Variants in TECTA observed in about 807,000 individuals in gnomAD.
The protein encoded by TECTA is tectorin alpha.
Under a neutral mutation model 216.8 loss-of-function variants are expected in TECTA, and 128 were observed. The observed-to-expected ratio is 0.59, with a 90% CI of 0.51 to 0.68. TECTA has a LOEUF of 0.68. Among genes scored for constraint, TECTA ranks in the 30% least tolerant of loss-of-function variants. The pLI, the probability that TECTA is intolerant of heterozygous loss-of-function variation, is 0.00. For missense variants in TECTA, 2,551 were observed against 2,786.2 expected (o/e 0.92, Z 1.90); for synonymous variants, 1,089 against 1,117.1 (o/e 0.97, Z 0.50).
intron 7 of TECTA, among the ~76,000 whole-genome samples, chr11:121,120,079 A>G (rs554570069): frequency 3.9e-5 from 6 of 152,320 alleles, no homozygotes; most frequent in Admixed American, 3.3e-4. Context: ...GATGATGTGT[A>G]TATCAGTAGT....
intron 2 of TECTA, among the ~76,000 whole-genome samples, chr11:121,103,618 G>A (rs1421914221): frequency 6.6e-6 from 1 of 151,996 alleles, no homozygotes; most frequent in Admixed American, 6.6e-5. Context: ...TATGTTTATT[G>A]TGAAATTCTC....
intron 15 of TECTA, among the ~76,000 whole-genome samples, chr11:121,161,609 A>T (rs1947001066): frequency 4.2e-5 from 1 of 23,578 alleles, no homozygotes; most frequent in Non-Finnish European, 7.8e-5. Context: ...CTGGACACCA[A>T]CTTTCTTGTA....
chr11:121,103,659 T>G (rs898994676), intron 2 of TECTA, among the ~76,000 whole-genome samples: 1 of 152,150 alleles, frequency 6.6e-6, no homozygotes, highest in Non-Finnish European at 1.5e-5. Context: ...AGGGATATTC[T>G]TTCTTTTAGC....
In TECTA at chr11:121,151,611, G is replaced by A. The variant is rs143392477; in HGVS notation, c.4106-1270G>A. On this transcript the variant is annotated intron_variant, in intron 12 of 23. Transcript: ENST00000392793. ...GAAAAATTGACTATAGTTTGCTATC[G>A]GAGGTTGCCATTTCATCACGCTTTT... is the stretch of plus-strand genomic sequence containing the variant. Among the ~76,000 whole-genome samples, 1,073 of 152,236 alleles carry A rather than the reference G, an allele frequency of 7.0e-3. 9 individuals carry two copies. Among genetic ancestry groups the A allele is most frequent in the Middle Eastern group, 0.044 (13 of 294 alleles).
At position 121,118,377 on chromosome 11, in the gene TECTA, T is replaced by G. The variant is rs1425048740; in HGVS notation, c.862T>G (p.Phe288Val). Residue 288 changes from phenylalanine to valine, a missense_variant, in exon 7 of 24, where the codon TTC becomes GTC. Physicochemically the swap from Phe to Val is conservative, Grantham distance 50 (BLOSUM62 -1). Around this residue, in one of 3 missense-constraint regions of TECTA, gnomAD observed 2,375 missense variants for 2,563.9 expected, o/e 0.93. Transcript: ENST00000392793. ...NCTVKCRCLD[F>V]NNEIYCQEAS... is the part of the protein sequence containing the mutation. Reference sequence around the variant, plus strand: ...CACCGTCAAGTGCCGCTGTCTGGATTTCAACAATGAGATCTACTGCCAGGA... The same window carrying G: ...CACCGTCAAGTGCCGCTGTCTGGATGTCAACAATGAGATCTACTGCCAGGA... 6.2e-7 allele frequency: 1 copy of G among 1,614,028 alleles called. No homozygotes were observed. The highest frequency in any genetic ancestry group is 1.3e-5 in the African/African-American group (1 of 74,920).
intron 12 of TECTA, among the ~76,000 whole-genome samples, chr11:121,152,348 G>T (rs1386403628): frequency 6.6e-6 from 1 of 152,238 alleles, no homozygotes; most frequent in Non-Finnish European, 1.5e-5. Flanking sequence ...TTAGAAAAAC[G>T]TTCTGTAGAA....
At position 121,109,391 on chromosome 11, in the gene TECTA, A is replaced by C. The variant is rs1469683162; in HGVS notation, c.379A>C (p.Lys127Gln). ...GCCTGCCATCTTGAAAAGAGCCACC[A>C]AGGACATCAGGAAGTACTTCAAAGA... ...MEPAILKRATKDIRKYFKDMA... is the reference protein window; with the variant it reads ...MEPAILKRATQDIRKYFKDMA... Residue 127 changes from lysine to glutamine, a missense_variant, in exon 4 of 24, where the codon AAG (lysine) becomes CAG (glutamine). By Grantham distance (53) the Lys-to-Gln change is moderately conservative. Coordinates refer to ENST00000392793, the MANE Select transcript of TECTA (RefSeq NM_005422.4). 1 of 1,614,154 alleles carries C rather than the reference A, an allele frequency of 6.2e-7. No individual in the cohort carries two copies. Among genetic ancestry groups the C allele is most frequent in the East Asian group, 2.2e-5 (1 of 44,890 alleles).
At chr11:121,104,016 T>C (rs1365544400) in intron 2 of TECTA, among the ~76,000 whole-genome samples, 1 of 152,170 alleles carries the variant, frequency 6.6e-6, no homozygotes, top group African/African-American at 2.4e-5. Context: ...CCATGCGGTA[T>C]TATGGGTTTT....
Position 121,111,283 on chromosome 11 carries a change from G to A in TECTA, c.486+1785G>A, listed in dbSNP as rs625934. On this transcript the variant is annotated intron_variant, in intron 4 of 23. Coordinates refer to ENST00000392793, the MANE Select transcript of TECTA (RefSeq NM_005422.4). ...CAGGCCGGGAGAGGCCAAGTATCTC[G>A]TTCAAGTGGCAAGAAAAAGAATAGG... Among the ~76,000 whole-genome samples, 144 of 152,288 alleles carry A rather than the reference G, an allele frequency of 9.5e-4. 1 individual carries two copies. Among genetic ancestry groups the A allele is most frequent in the Non-Finnish European group, 1.7e-3 (113 of 68,016 alleles).
intron 20 of TECTA, among the ~76,000 whole-genome samples, chr11:121,180,132 TATC>T (rs1947211749): frequency 6.6e-6 from 1 of 152,090 alleles, no homozygotes; most frequent in African/African-American, 2.4e-5. Context: ...CATTCTCTCT[TATC>T]ATTTATTATT....
chr11:121,146,822 G>C (rs1418581346), intron 12 of TECTA, among the ~76,000 whole-genome samples: 1 of 152,180 alleles, frequency 6.6e-6, no homozygotes, highest in East Asian at 1.9e-4. Context: ...TATATTAATG[G>C]CTTGCTCTGA....
chr11:121,162,082 G>T lies in TECTA; in HGVS notation c.4984G>T (p.Ala1662Ser), dbSNP rs542739555. 57 of 1,613,962 alleles carry T rather than the reference G, an allele frequency of 3.5e-5. No individual in the cohort carries two copies. The South Asian group carries it at 4.4e-4, about 12-fold the overall frequency. Residue 1662 changes from alanine (A) to serine (S), a missense_variant, in exon 16 of 24, where the codon GCC becomes TCC. Transcript: ENST00000392793. ...KTNGMQKRPLAPSCNELQFSQ... is the reference protein window; with the variant it reads ...KTNGMQKRPLSPSCNELQFSQ... ...TTCACTCAGTCTGACCAGACCTCTT[G>T]CCCCCAGCTGCAACGAGCTGCAGTT...
At chr11:121,144,522 A>T (rs1261850856) in intron 11 of TECTA, among the ~76,000 whole-genome samples, 1 of 152,198 alleles carries the variant, frequency 6.6e-6, no homozygotes, top group African/African-American at 2.4e-5. Flanking sequence ...CCCACAAGGC[A>T]AACCACCTCA....
At chr11:121,114,461 A>G (rs1167464252) in intron 6 of TECTA, among the ~76,000 whole-genome samples, 1 of 152,200 alleles carries the variant, frequency 6.6e-6, no homozygotes, top group Non-Finnish European at 1.5e-5. Flanking sequence ...GTCCAAAAAT[A>G]TTTAGAAAAC....
At chr11:121,168,027 G>T (rs146685308) in intron 18 of TECTA, 27 bp from the exon 19 acceptor site, 8 of 1,613,788 alleles carry the variant, frequency 5.0e-6, no homozygotes, top group Non-Finnish European at 6.8e-6. Context: ...CAGATGTAAC[G>T]ATTTCTGACT....
intron 19 of TECTA, 123 bp downstream of exon 19, chr11:121,168,340 A>C: frequency 7.5e-7 from 1 of 1,328,880 alleles, no homozygotes; most frequent in Non-Finnish European, 1.1e-6. Context: ...ACGTTTCTTG[A>C]GCCTAAATGC....
Position 121,128,304 on chromosome 11 carries a change from A to T in TECTA, c.2327A>T (p.Gln776Leu), listed in dbSNP as rs374863954. Residue 776 changes from glutamine to leucine, a missense_variant, in exon 9 of 24, where the codon CAG becomes CTG. By Grantham distance (113) the Gln-to-Leu change is moderately radical. Around this residue, in one of 3 missense-constraint regions of TECTA, gnomAD observed 2,375 missense variants for 2,563.9 expected, o/e 0.93. Transcript: ENST00000392793. ...GGACTTCGGATCCTGGTGGCCGACC[A>T]GGAGGTCAAGATAGGAGGCATCGGG... ...LRGLRILVAD[Q>L]EVKIGGIGAS... is the part of the protein sequence containing the mutation. 41 of 1,599,638 alleles carry T rather than the reference A, an allele frequency of 2.6e-5. No individual in the cohort carries two copies. The highest frequency in any genetic ancestry group is 1.3e-5 in the African/African-American group (1 of 74,932).
intron 13 of TECTA, 120 bp downstream of exon 13, chr11:121,153,200 G>A: frequency 8.7e-7 from 1 of 1,144,456 alleles, no homozygotes; most frequent in Non-Finnish European, 1.2e-6. Flanking sequence ...CGTGTTCGTG[G>A]CAGGGGAATG....
At chr11:121,157,773 G>A in intron 13 of TECTA, 68 bp from the exon 14 acceptor site, 1 of 1,609,700 alleles carries the variant, frequency 6.2e-7, no homozygotes. Flanking sequence ...AGACGAGGGG[G>A]ACTGGGCTTT....
Sources: allele counts gnomAD v4.1 joint callset (sites outside exome capture counted in the v4.1 genomes callset), GRCh38; gene constraint gnomAD v4.1.1; regional missense constraint gnomAD v4.1.1; transcripts MANE v1.5; gene names NCBI Gene and HGNC (gene_info 2026-07-23, HGNC 2026-07-21).